CDRT4: variants seen among roughly 807,000 people sequenced by gnomAD.
The protein encoded by CDRT4 is CMT1A duplicated region transcript 4 protein.
For synonymous variants in CDRT4, 64 were observed against 69.6 expected, an observed-to-expected ratio of 0.92 and a Z score of 0.40; for missense variants, 167 against 193.1, an observed-to-expected ratio of 0.87 and a Z score of 0.80.
At chr17:15,456,507 ACT>A (rs1443817507) in intron 1 of CDRT4, among the ~76,000 whole-genome samples, 8 of 151,944 alleles carry the variant, frequency 5.3e-5, no homozygotes, top group African/African-American at 1.9e-4. Context: ...CTACATAAAC[ACT>A]GTTTGGACTC....
At chr17:15,446,861 C>T (rs764741457) in intron 2 of CDRT4, among the ~76,000 whole-genome samples, 1 of 152,144 alleles carries the variant, frequency 6.6e-6, no homozygotes, top group African/African-American at 2.4e-5. Context: ...TATATGTGTA[C>T]GTTGAGGGCA....
rs187348162 is a variant in CDRT4 at position 15,439,952 on chromosome 17, G to T, written c.31+256C>A. ...CTGGGGCCTGTTTGTGGTGGGGAGA[G>T]GGGGGAGGGATAGCATTAGGAGATA... On this transcript the variant is annotated intron_variant, in intron 3 of 3. Coordinates refer to ENST00000619038, the MANE Select transcript of CDRT4 (RefSeq NM_001204477.2). Among the ~76,000 whole-genome samples, 128 of 152,178 alleles carry T rather than the reference G, an allele frequency of 8.4e-4. 1 individual carries two copies. The highest frequency in any genetic ancestry group is 1.4e-3 in the Non-Finnish European group (94 of 67,976).
chr17:15,439,321 G>A (rs952998308), intron 3 of CDRT4, among the ~76,000 whole-genome samples: 7 of 151,732 alleles, frequency 4.6e-5, no homozygotes, highest in African/African-American at 7.3e-5. Flanking sequence ...AGTGTAGGTC[G>A]TATAGTTATT....
intron 1 of CDRT4, among the ~76,000 whole-genome samples, chr17:15,467,018 T>C (rs1427771319): frequency 6.6e-6 from 1 of 152,170 alleles, no homozygotes; most frequent in East Asian, 1.9e-4. Flanking sequence ...AGGTAATGCA[T>C]CTGTGGGAAC....
chr17:15,457,978 G>A (rs1025485252), intron 1 of CDRT4, among the ~76,000 whole-genome samples: 2 of 152,210 alleles, frequency 1.3e-5, no homozygotes, highest in African/African-American at 4.8e-5. Context: ...AGGGGCTCAG[G>A]ACGCTGTGAG....
intron 1 of CDRT4, among the ~76,000 whole-genome samples, chr17:15,459,237 T>G (rs1979628132): frequency 6.6e-6 from 1 of 152,058 alleles, no homozygotes; most frequent in South Asian, 2.1e-4. Flanking sequence ...CCTCCACTCA[T>G]GAACAACAAG....
At chr17:15,466,365 A>T (rs1567616276) in intron 1 of CDRT4, among the ~76,000 whole-genome samples, 1 of 152,152 alleles carries the variant, frequency 6.6e-6, no homozygotes. Flanking sequence ...TTCCACCCAG[A>T]TGGGGAGAAG....
Position 15,437,876 on chromosome 17 carries a change from G to A in CDRT4, c.356C>T (p.Thr119Ile), listed in dbSNP as rs145874622. 34 of 1,614,190 alleles carry A rather than the reference G, an allele frequency of 2.1e-5. No homozygotes were observed. The African/African-American group carries it at 3.7e-4, about 18-fold the overall frequency. Residue 119 changes from threonine (T) to isoleucine (I), a missense_variant, in exon 4 of 4, where the codon ACA becomes ATA. Physicochemically the swap from Thr to Ile is moderately conservative, Grantham distance 89. Coordinates refer to ENST00000619038, the MANE Select transcript of CDRT4 (RefSeq NM_001204477.2). ...AMAPTMIPEP[T>I]HLHADSRDCP... The stretch of plus-strand genomic sequence containing the variant: ...GTCTCTGGAATCCGCATGTAAGTGT[G>A]TGGGTTCTGGGATCATGGTAGGAGC...
Position 15,438,261 on chromosome 17 carries a change from CA to C in CDRT4, c.32-62del, listed in dbSNP as rs1429735098. On this transcript the variant is annotated intron_variant, in intron 3 of 3. Transcript: ENST00000619038. ...AGTCACATGCAATAGCTTGATTCTT[CA>C]AAAAATGGGAAGGCATTGGAACCAG... is the stretch of plus-strand genomic sequence containing the variant. The C allele has an allele frequency of 2.6e-6, 4 of 1,528,692 alleles. No homozygotes were observed. In the Admixed American group the frequency reaches 8.0e-5, roughly 31 times the overall value. The allele number at this position is 1,528,692 out of a possible 1,614,324, so 94.7% of individuals were successfully genotyped here.
chr17:15,441,527 C>G (rs1195070692), intron 2 of CDRT4, among the ~76,000 whole-genome samples: 1 of 152,132 alleles, frequency 6.6e-6, no homozygotes, highest in Non-Finnish European at 1.5e-5. Flanking sequence ...TGACTCATTT[C>G]TGCATGGAAC....
rs1979217840 is a variant in CDRT4, at chr17:15,450,644, A to G, written c.-48+2360T>C. ...AGTTTTGTGGCTCTACATCTCATCA[A>G]TTTGCCACATCTAACTAGACTGACT... On this transcript the variant is annotated intron_variant, in intron 2 of 3. Coordinates refer to ENST00000619038, the MANE Select transcript of CDRT4 (RefSeq NM_001204477.2). This position sits in a 1 kb window ranked among gnomAD's most constrained non-coding sequence, Gnocchi z 4.2. Among the ~76,000 whole-genome samples the G allele has an allele frequency of 6.6e-6, 1 of 151,694 alleles. No individual in the cohort carries two copies.
intron 2 of CDRT4, among the ~76,000 whole-genome samples, chr17:15,446,467 G>T (rs1310871498): frequency 6.6e-6 from 1 of 151,972 alleles, no homozygotes; most frequent in Non-Finnish European, 1.5e-5. Context: ...AGTGGGGAGG[G>T]GCGAATTGGT....
chr17:15,460,154 C>T (rs1979682860), intron 1 of CDRT4, among the ~76,000 whole-genome samples: 1 of 152,184 alleles, frequency 6.6e-6, no homozygotes, highest in African/African-American at 2.4e-5. Flanking sequence ...CTCAACCTAC[C>T]TCATTCAAAC....
chr17:15,458,342 C>T (rs542116449), intron 1 of CDRT4, among the ~76,000 whole-genome samples: 6 of 152,254 alleles, frequency 3.9e-5, no homozygotes, highest in Admixed American at 2.6e-4. Context: ...CCTAAAATTC[C>T]ACCTAAATTC....
Position 15,450,190 on chromosome 17 carries a change from C to T in CDRT4, c.-48+2814G>A, listed in dbSNP as rs541310674. Among the ~76,000 whole-genome samples, 3 of 152,098 alleles carry T rather than the reference C, an allele frequency of 2.0e-5. No individual in the cohort carries two copies. Among genetic ancestry groups the T allele is most frequent in the Non-Finnish European group, 4.4e-5 (3 of 67,992 alleles). On this transcript the variant is annotated intron_variant, in intron 2 of 3. Coordinates refer to ENST00000619038, the MANE Select transcript of CDRT4 (RefSeq NM_001204477.2). The surrounding 1 kb of genome is among the most constrained non-coding windows in gnomAD (Gnocchi z 4.2). ...ATTCCCACCAAGCAACTATTTCAAA[C>T]CTCCTCTTCACCTCCTTCTCCTTCC... is the stretch of plus-strand genomic sequence containing the variant.
intron 2 of CDRT4, among the ~76,000 whole-genome samples, chr17:15,448,036 T>C (rs1286153087): frequency 6.6e-6 from 1 of 152,132 alleles, no homozygotes; most frequent in African/African-American, 2.4e-5. Flanking sequence ...TCATAATATC[T>C]AATCAATCAG....
chr17:15,441,904 G>A (rs941829366), intron 2 of CDRT4, among the ~76,000 whole-genome samples: 1 of 152,082 alleles, frequency 6.6e-6, no homozygotes, highest in Non-Finnish European at 1.5e-5. Context: ...GTCATCTAAC[G>A]TAGAGAAAGT....
intron 2 of CDRT4, among the ~76,000 whole-genome samples, chr17:15,449,166 C>T (rs932117076): frequency 2.0e-5 from 3 of 152,230 alleles, no homozygotes; most frequent in Admixed American, 6.5e-5. Flanking sequence ...GAGAGGAAAA[C>T]GCCACTGTGC....
intron 2 of CDRT4, chr17:15,444,134 AT>A: frequency 3.9e-6 from 5 of 1,290,352 alleles, no homozygotes; most frequent in Non-Finnish European, 5.5e-6. Flanking sequence ...CAATCAGGAA[AT>A]TTTTGGATGG....
Sources: gnomAD v4.1 joint callset for allele counts (sites outside exome capture counted in the v4.1 genomes callset) on GRCh38, gnomAD v4.1.1 for gene constraint, Gnocchi (gnomAD v3.1) non-coding constraint, MANE v1.5 for transcripts, NCBI Gene and HGNC (gene_info 2026-07-23, HGNC 2026-07-21) for gene names.